The following CTNNA3 variants were observed in gnomAD, a reference collection of about 807,000 sequenced individuals.
CTNNA3 encodes catenin alpha-3.
In CTNNA3, 76 loss-of-function variants were observed where a neutral mutation model predicts 95.7. That is an observed-to-expected ratio of 0.79 (90% confidence interval 0.66 to 0.96). CTNNA3 has a LOEUF of 0.96. CTNNA3 is among the 40% of genes least tolerant of loss of function. The probability of loss-of-function intolerance (pLI) is 0.00; values close to 1 mark genes in which losing one functional copy is unlikely to be tolerated. For missense variants in CTNNA3, 1,191 were observed against 1,089.8 expected (o/e 1.09, Z -1.31); for synonymous variants, 431 against 374.4 (o/e 1.15, Z -1.74).
chr10:66,241,485 G>A (rs2090103360), intron 13 of CTNNA3, among the ~76,000 whole-genome samples: 1 of 152,044 alleles, frequency 6.6e-6, no homozygotes, highest in African/African-American at 2.4e-5. Context: ...TATCTTTGAG[G>A]ATATTAAGAC....
intron 13 of CTNNA3, among the ~76,000 whole-genome samples, chr10:66,190,602 T>C (rs1471230027): frequency 6.6e-6 from 1 of 152,162 alleles, no homozygotes; most frequent in African/African-American, 2.4e-5. Flanking sequence ...CATTTGCCTA[T>C]ATGCAAGTCA....
intron 7 of CTNNA3, among the ~76,000 whole-genome samples, chr10:66,962,105 G>C (rs544640651): frequency 6.6e-6 from 1 of 152,152 alleles, no homozygotes; most frequent in South Asian, 2.1e-4. Context: ...CAAAATGTGG[G>C]CTAGAGTGAT....
intron 7 of CTNNA3, among the ~76,000 whole-genome samples, chr10:67,120,331 A>G (rs1293084228): frequency 6.6e-6 from 1 of 151,892 alleles, no homozygotes; most frequent in Admixed American, 6.6e-5. Flanking sequence ...ATCTTATCCA[A>G]ACTACATGGC....
At chr10:65,946,110 C>A (rs1211191222) in intron 17 of CTNNA3, among the ~76,000 whole-genome samples, 2 of 152,062 alleles carry the variant, frequency 1.3e-5, no homozygotes, top group Admixed American at 6.6e-5. Flanking sequence ...GTTGTTAGAC[C>A]TCTTTAAGTT....
At chr10:66,296,880 T>C (rs10740232) in intron 12 of CTNNA3, among the ~76,000 whole-genome samples, 151,314 of 152,304 alleles carry the variant, frequency 0.99, 75,171 homozygotes, top group Middle Eastern at 1. Flanking sequence ...GGGGCAATAT[T>C]AAAAGATGGA....
At chr10:66,473,011 T>G (rs1839190627) in intron 11 of CTNNA3, among the ~76,000 whole-genome samples, 1 of 152,046 alleles carries the variant, frequency 6.6e-6, no homozygotes, top group Non-Finnish European at 1.5e-5. Context: ...TTTCTCCATG[T>G]TTTTGGTATT....
At chr10:66,626,108 T>C (rs1347295411) in intron 9 of CTNNA3, among the ~76,000 whole-genome samples, 1 of 152,196 alleles carries the variant, frequency 6.6e-6, no homozygotes, top group East Asian at 1.9e-4. Flanking sequence ...GAGCATGGTA[T>C]GTTTTAACGT....
intron 7 of CTNNA3, among the ~76,000 whole-genome samples, chr10:67,033,880 GC>G (rs1164536236): frequency 6.6e-6 from 1 of 152,052 alleles, no homozygotes; most frequent in East Asian, 1.9e-4. Flanking sequence ...AAGCAATTCT[GC>G]CTCACTCAGC....
At chr10:67,651,198 T>C (rs765372105) in intron 1 of CTNNA3, among the ~76,000 whole-genome samples, 1 of 152,226 alleles carries the variant, frequency 6.6e-6, no homozygotes, top group Non-Finnish European at 1.5e-5. Context: ...CCTTTAAGCT[T>C]ATTAAATTCC....
intron 15 of CTNNA3, among the ~76,000 whole-genome samples, chr10:66,048,536 G>C (rs921474441): frequency 6.6e-6 from 1 of 152,098 alleles, no homozygotes; most frequent in African/African-American, 2.4e-5. Flanking sequence ...TGAGACGGGC[G>C]GATCACGAGG....
intron 9 of CTNNA3, among the ~76,000 whole-genome samples, chr10:66,645,902 T>C (rs1845691597): frequency 6.6e-6 from 1 of 152,196 alleles, no homozygotes; most frequent in Admixed American, 6.5e-5. Context: ...CCCTATTCTG[T>C]TCCATTGATC....
intron 7 of CTNNA3, among the ~76,000 whole-genome samples, chr10:67,128,596 C>A (rs1177031159): frequency 6.6e-6 from 1 of 152,192 alleles, no homozygotes; most frequent in Non-Finnish European, 1.5e-5. Flanking sequence ...CAGCTTTACC[C>A]CTTTGACAAG....
At chr10:67,487,561 C>T (rs1318033127) in intron 5 of CTNNA3, among the ~76,000 whole-genome samples, 1 of 152,194 alleles carries the variant, frequency 6.6e-6, no homozygotes, top group Admixed American at 6.5e-5. Context: ...TTTTCAGGAA[C>T]ATTTGTCTTT....
At position 66,332,085 on chromosome 10, in the gene CTNNA3, G is replaced by A. The variant is rs1318438722; in HGVS notation, c.1732+47067C>T. ...GTATAAGAATGCTTGTGATTTTTGC[G>A]CATTGATTTTGTATCCTGAGACTTT... On this transcript the variant is annotated intron_variant, in intron 12 of 17. Coordinates refer to ENST00000433211, the MANE Select transcript of CTNNA3 (RefSeq NM_013266.4). Among the ~76,000 whole-genome samples the A allele has an allele frequency of 8.3e-3, 1,267 of 151,752 alleles. 71 individuals carry two copies. Among genetic ancestry groups the A allele is most frequent in the South Asian group, 5.4e-3 (26 of 4,802 alleles).
chr10:67,271,311 G>A (rs1232643679), intron 5 of CTNNA3, among the ~76,000 whole-genome samples: 1 of 152,124 alleles, frequency 6.6e-6, no homozygotes, highest in Non-Finnish European at 1.5e-5. Flanking sequence ...CCCCCATGCT[G>A]TTCTTGTGAT....
chr10:67,095,537 C>G (rs1190246619), intron 7 of CTNNA3, among the ~76,000 whole-genome samples: 1 of 151,730 alleles, frequency 6.6e-6, no homozygotes, highest in Non-Finnish European at 1.5e-5. Flanking sequence ...AGCCTTGATA[C>G]ATTAAATCAA....
rs144414686 is a variant in CTNNA3, at chr10:66,337,407, C to T, written c.1732+41745G>A. Among the ~76,000 whole-genome samples the T allele has an allele frequency of 6.8e-4, 104 of 152,122 alleles. 1 individual carries two copies. Among genetic ancestry groups the T allele is most frequent in the African/African-American group, 2.3e-3 (95 of 41,540 alleles). Reference sequence around the variant, plus strand: ...TTACTGCATTTGTCCAACCAGCTGGCCACTTTATACACATTACATCATTTA... The same window carrying T: ...TTACTGCATTTGTCCAACCAGCTGGTCACTTTATACACATTACATCATTTA... On this transcript the variant is annotated intron_variant, in intron 12 of 17. Transcript: ENST00000433211.
chr10:66,817,705 A>G (rs999737573), intron 7 of CTNNA3, among the ~76,000 whole-genome samples: 2 of 152,008 alleles, frequency 1.3e-5, no homozygotes, highest in African/African-American at 4.8e-5. Flanking sequence ...TTTACTGCTC[A>G]ATTCTGCCAA....
chr10:67,422,334 G>T (rs1845774274), intron 5 of CTNNA3, among the ~76,000 whole-genome samples: 1 of 152,112 alleles, frequency 6.6e-6, no homozygotes. Context: ...AAGGGGCAGG[G>T]TGTCTCCAAC....
Sources: gnomAD v4.1 joint callset for allele counts (sites outside exome capture counted in the v4.1 genomes callset) on GRCh38, gnomAD v4.1.1 for gene constraint, MANE v1.5 for transcripts, NCBI Gene and HGNC (gene_info 2026-07-23, HGNC 2026-07-21) for gene names.